MAGI2: variants seen among roughly 807,000 people sequenced by gnomAD.
MAGI2 encodes membrane-associated guanylate kinase, WW and PDZ domain-containing protein 2.
Under a neutral mutation model 133.3 loss-of-function variants are expected in MAGI2, and 35 were observed. The observed-to-expected ratio is 0.26, with a 90% CI of 0.20 to 0.35. The LOEUF is 0.35. MAGI2 is among the 10% of genes least tolerant of loss of function. The probability of loss-of-function intolerance (pLI) is 1.00; values close to 1 mark genes in which losing one functional copy is unlikely to be tolerated. For missense variants in MAGI2, 1,636 were observed against 1,863.4 expected, an observed-to-expected ratio of 0.88 and a Z score of 2.25; for synonymous variants, 729 against 710.6, an observed-to-expected ratio of 1.03 and a Z score of -0.41.
At chr7:79,151,948 C>T (rs1253329530) in intron 1 of MAGI2, among the ~76,000 whole-genome samples, 1 of 152,154 alleles carries the variant, frequency 6.6e-6, no homozygotes, top group South Asian at 2.1e-4. Flanking sequence ...GAATCAAAAC[C>T]TGTCCTCATT....
intron 1 of MAGI2, among the ~76,000 whole-genome samples, chr7:79,035,906 C>A (rs1562815220): frequency 6.6e-6 from 1 of 152,140 alleles, no homozygotes; most frequent in Non-Finnish European, 1.5e-5. Context: ...GAATTTAAAA[C>A]CTTCATAAAT....
intron 6 of MAGI2, among the ~76,000 whole-genome samples, chr7:78,398,288 G>A (rs189278532): frequency 3.8e-4 from 58 of 152,046 alleles, no homozygotes; most frequent in Admixed American, 1.2e-3. Flanking sequence ...GAACTCATGC[G>A]GCTTTTTTTG....
intron 3 of MAGI2, among the ~76,000 whole-genome samples, chr7:78,526,419 T>C (rs1226273761): frequency 1.3e-5 from 2 of 152,230 alleles, no homozygotes; most frequent in East Asian, 1.9e-4. Flanking sequence ...AATATGTTTG[T>C]ACTTGTGAAG....
At chr7:79,426,802 C>T (rs993014851) in intron 1 of MAGI2, among the ~76,000 whole-genome samples, 6 of 152,132 alleles carry the variant, frequency 3.9e-5, no homozygotes, top group Non-Finnish European at 7.4e-5. Context: ...TGAGTGATAT[C>T]TTGAGCTGCA....
intron 1 of MAGI2, among the ~76,000 whole-genome samples, chr7:79,214,407 C>CTCTCTCTCTCTCTCTA (rs1554406633): frequency 5.6e-5 from 1 of 17,710 alleles, no homozygotes; most frequent in Admixed American, 1.2e-3. Flanking sequence ...CTCTCTCTCT[C>CTCTCTCTCTCTCTCTA]TATATATATA....
At chr7:79,149,835 A>G (rs1823018629) in intron 1 of MAGI2, among the ~76,000 whole-genome samples, 1 of 152,220 alleles carries the variant, frequency 6.6e-6, no homozygotes, top group Admixed American at 6.5e-5. Flanking sequence ...TAACAAAAAA[A>G]GTATTATTTA....
At chr7:78,077,300 A>G (rs941748564) in intron 21 of MAGI2, among the ~76,000 whole-genome samples, 4 of 152,166 alleles carry the variant, frequency 2.6e-5, no homozygotes, top group African/African-American at 9.7e-5. Flanking sequence ...GAATCAGTCA[A>G]TGCTCTAGAG....
At chr7:78,630,542 GAGT>G (rs1436110239) in intron 2 of MAGI2, among the ~76,000 whole-genome samples, 1 of 148,270 alleles carries the variant, frequency 6.7e-6, no homozygotes, top group East Asian at 2.1e-4. Flanking sequence ...TCAGCCCCTT[GAGT>G]AGCTGTGACT....
intron 3 of MAGI2, among the ~76,000 whole-genome samples, chr7:78,580,693 A>G (rs1169570118): frequency 6.6e-6 from 1 of 152,230 alleles, no homozygotes; most frequent in African/African-American, 2.4e-5. Flanking sequence ...AGGAATCTTA[A>G]GTGAATTCTG....
intron 2 of MAGI2, among the ~76,000 whole-genome samples, chr7:78,791,345 G>A (rs1827225650): frequency 6.6e-6 from 1 of 152,068 alleles, no homozygotes. Flanking sequence ...CCTTATATTG[G>A]AGAAATAGTT....
At chr7:78,188,634 G>A (rs1040591575) in intron 12 of MAGI2, among the ~76,000 whole-genome samples, 1 of 152,034 alleles carries the variant, frequency 6.6e-6, no homozygotes, top group Non-Finnish European at 1.5e-5. Context: ...ATACGTGGGG[G>A]GTACTTTAAT....
chr7:79,269,595 A>C (rs1834726312), intron 1 of MAGI2, among the ~76,000 whole-genome samples: 1 of 152,216 alleles, frequency 6.6e-6, no homozygotes, highest in South Asian at 2.1e-4. Context: ...ACACCTATAC[A>C]TAAAAATGCC....
intron 1 of MAGI2, among the ~76,000 whole-genome samples, chr7:79,239,983 G>A (rs1048800046): frequency 1.3e-5 from 2 of 152,102 alleles, no homozygotes; most frequent in Non-Finnish European, 2.9e-5. Flanking sequence ...TCTTCCCTCA[G>A]ATTATCCAAT....
chr7:78,983,390 G>C (rs1402391702), intron 2 of MAGI2, among the ~76,000 whole-genome samples: 1 of 151,682 alleles, frequency 6.6e-6, no homozygotes, highest in Non-Finnish European at 1.5e-5. Flanking sequence ...TTAAGAGTGG[G>C]GCTCTTTACT....
chr7:78,243,852 C>T (rs1791450405), intron 10 of MAGI2, among the ~76,000 whole-genome samples: 1 of 151,998 alleles, frequency 6.6e-6, no homozygotes, highest in East Asian at 1.9e-4. Flanking sequence ...ATGGCAATCA[C>T]TCTGGGTTTG....
chr7:78,609,552 A>G (rs974681670), intron 3 of MAGI2, among the ~76,000 whole-genome samples: 14 of 152,298 alleles, frequency 9.2e-5, no homozygotes, highest in African/African-American at 3.1e-4. Flanking sequence ...TTTTTAACAA[A>G]AGGAGGAGGA....
intron 1 of MAGI2, among the ~76,000 whole-genome samples, chr7:79,155,564 A>C (rs1823692837): frequency 6.6e-6 from 1 of 152,162 alleles, no homozygotes; most frequent in Admixed American, 6.6e-5. Context: ...GGTGAGGAGA[A>C]AGAATCCAGA....
At chr7:78,052,099 G>C (rs1207523633) in intron 21 of MAGI2, among the ~76,000 whole-genome samples, 2 of 151,980 alleles carry the variant, frequency 1.3e-5, no homozygotes, top group Non-Finnish European at 2.9e-5. Flanking sequence ...TTGAATTCCG[G>C]AGCTTCAGCG....
intron 1 of MAGI2, chr7:79,411,996 G>T (rs1334158756): frequency 2.6e-5 from 4 of 151,280 alleles, no homozygotes; most frequent in East Asian, 3.9e-4. Flanking sequence ...AGTTAATCAG[G>T]GTCATTTAAA....
Sources: gnomAD v4.1 joint callset for allele counts (sites outside exome capture counted in the v4.1 genomes callset) on GRCh38, gnomAD v4.1.1 for gene constraint, MANE v1.5 for transcripts, NCBI Gene and HGNC (gene_info 2026-07-23, HGNC 2026-07-21) for gene names.